Variants in RAB6B observed in about 807,000 individuals in gnomAD.
The protein encoded by RAB6B is RAB6B, member RAS oncogene family, also known as ras-related protein Rab-6B.
Under a neutral mutation model 31.2 loss-of-function variants are expected in RAB6B, and 7 were observed. The ratio of observed to expected loss-of-function variants is 0.22; its 90% CI spans 0.13 to 0.42. The LOEUF is 0.42. Among genes scored for constraint, RAB6B ranks in the 10% least tolerant of loss-of-function variants. The probability of loss-of-function intolerance (pLI) is 1.00; values close to 1 mark genes in which losing one functional copy is unlikely to be tolerated. For synonymous variants in RAB6B, 105 were observed against 104.9 expected (o/e 1.00, Z -0.01); for missense variants, 149 against 280.6 (o/e 0.53, Z 3.35).
intron 4 of RAB6B, among the ~76,000 whole-genome samples, chr3:133,840,828 C>T (rs190343977): frequency 7.9e-5 from 12 of 152,258 alleles, no homozygotes; most frequent in Non-Finnish European, 1.3e-4. Context: ...CTTCCAGACC[C>T]CCTTGCCTAC....
At chr3:133,853,967 T>C (rs1421309222) in intron 2 of RAB6B, among the ~76,000 whole-genome samples, 1 of 152,188 alleles carries the variant, frequency 6.6e-6, no homozygotes, top group Non-Finnish European at 1.5e-5. Context: ...CACAGCCCCA[T>C]GAGACCATCT....
intron 1 of RAB6B, among the ~76,000 whole-genome samples, chr3:133,877,753 T>TATATATATTATAATATATATAATA (rs1559911983): frequency 8.8e-5 from 13 of 148,502 alleles, no homozygotes; most frequent in African/African-American, 2.9e-4. Context: ...ATTATAACTG[T>TATATATATTATAATATATATAATA]TATATAATAT....
intron 1 of RAB6B, among the ~76,000 whole-genome samples, chr3:133,890,461 C>T (rs747594380): frequency 1.3e-5 from 2 of 152,022 alleles, no homozygotes; most frequent in Non-Finnish European, 2.9e-5. Context: ...AAAAATTAGC[C>T]GGGCGTATTG....
At chr3:133,884,939 G>A (rs1200298100) in intron 1 of RAB6B, among the ~76,000 whole-genome samples, 1 of 112,504 alleles carries the variant, frequency 8.9e-6, no homozygotes, top group African/African-American at 3.4e-5. Context: ...GAGGATGGGG[G>A]GCTCACACAC....
chr3:133,865,309 G>A (rs1171470660), intron 1 of RAB6B, among the ~76,000 whole-genome samples: 1 of 152,216 alleles, frequency 6.6e-6, no homozygotes, highest in African/African-American at 2.4e-5. Flanking sequence ...TGCCCTGTAG[G>A]GGCAGTGACA....
chr3:133,855,818 T>C lies in RAB6B; in HGVS notation c.129+8766A>G, dbSNP rs140572285. Among the ~76,000 whole-genome samples, 976 of 152,322 alleles carry C rather than the reference T, an allele frequency of 6.4e-3. 5 individuals carry two copies. Among genetic ancestry groups the C allele is most frequent in the Non-Finnish European group, 9.1e-3 (622 of 68,022 alleles). On this transcript the variant is annotated intron_variant, in intron 2 of 7. Coordinates refer to ENST00000285208, the MANE Select transcript of RAB6B (RefSeq NM_016577.4). ...ACTGGTGGGCCCACCCAGCACCCAT[T>C]GGCAACCTCCTACTCCCTTGCTTGA...
chr3:133,828,803 G>A lies in RAB6B; in HGVS notation c.612C>T (p.Gly204=), dbSNP rs749969544. The change falls in exon 8 of 8, where the codon GGC becomes GGT. Residue 204 remains glycine, a synonymous_variant. Coordinates refer to ENST00000285208, the MANE Select transcript of RAB6B (RefSeq NM_016577.4). ...CGGCTCTGCATTAGCAGGAGCAGCC[G>A]CCCTCGCTGGCCGGGGGCTCCTGGG... is the stretch of plus-strand genomic sequence containing the variant. ...DKPQEPPASE[G]GCSC 75 of 1,612,218 alleles carry A rather than the reference G, an allele frequency of 4.7e-5. 1 individual carries two copies. Among genetic ancestry groups the A allele is most frequent in the Admixed American group, 3.0e-4 (18 of 59,976 alleles).
At position 133,839,512 on chromosome 3, in the gene RAB6B, T is replaced by A. The variant is rs1172716308; in HGVS notation, c.395A>T (p.Asp132Val). 8 of 1,612,972 alleles carry A rather than the reference T, an allele frequency of 5.0e-6. No homozygotes were observed. Among genetic ancestry groups the A allele is most frequent in the Non-Finnish European group, 5.9e-6 (7 of 1,178,876 alleles). ...TGTGTGCCCTTGCACCTACCTCTTA[T>A]CAGCCAGGTCCGTCTTGTTGCCCAC... ...MLVGNKTDLA[D>V]KRQITIEEGE... The change falls in exon 5 of 8, where the codon GAT becomes GTT. Residue 132 changes from aspartate (D) to valine (V), a missense_variant. Coordinates refer to ENST00000285208, the MANE Select transcript of RAB6B (RefSeq NM_016577.4).
intron 7 of RAB6B, among the ~76,000 whole-genome samples, chr3:133,832,340 C>A (rs1196332176): frequency 2.0e-5 from 3 of 152,034 alleles, no homozygotes; most frequent in Non-Finnish European, 4.4e-5. Flanking sequence ...CAGAGCGGCC[C>A]TGAGGGGTCC....
At chr3:133,845,294 G>C (rs780933969) in intron 2 of RAB6B, among the ~76,000 whole-genome samples, 1 of 152,224 alleles carries the variant, frequency 6.6e-6, no homozygotes, top group Non-Finnish European at 1.5e-5. Flanking sequence ...ATTAAGTCAT[G>C]AGGACTCTGA....
intron 1 of RAB6B, among the ~76,000 whole-genome samples, chr3:133,865,035 T>C (rs900153235): frequency 3.3e-5 from 5 of 152,248 alleles, no homozygotes; most frequent in African/African-American, 1.2e-4. Context: ...CACCTTGTTG[T>C]TGGTCATACA....
intron 1 of RAB6B, among the ~76,000 whole-genome samples, chr3:133,873,012 T>C (rs1178116495): frequency 6.6e-6 from 1 of 152,166 alleles, no homozygotes; most frequent in Non-Finnish European, 1.5e-5. Flanking sequence ...GGCGGACCGA[T>C]GCCTGACCCT....
At chr3:133,847,265 G>A (rs1435630137) in intron 2 of RAB6B, among the ~76,000 whole-genome samples, 1 of 152,258 alleles carries the variant, frequency 6.6e-6, no homozygotes, top group Non-Finnish European at 1.5e-5. Context: ...TAAGCGACTT[G>A]TCAAATGTCC....
At chr3:133,891,228 G>C (rs145623627) in intron 1 of RAB6B, among the ~76,000 whole-genome samples, 1 of 152,254 alleles carries the variant, frequency 6.6e-6, no homozygotes, top group East Asian at 1.9e-4. Flanking sequence ...CAGAGGAATG[G>C]GCTGAAAGTA....
intron 1 of RAB6B, among the ~76,000 whole-genome samples, chr3:133,881,955 T>C (rs1197578454): frequency 6.6e-6 from 1 of 152,276 alleles, no homozygotes; most frequent in Admixed American, 6.5e-5. Flanking sequence ...TATTATGTCA[T>C]ATTTCCATGG....
rs1442539729 is a variant in RAB6B at position 133,825,475 on chromosome 3, G to C, written c.*3313C>G. ...TTAAGGATGACAAGAAGAGAGCAGC[G>C]ATAGATAGCAAGGAGGCCTCTGACC... On this transcript the variant is annotated 3_prime_UTR_variant, in exon 8 of 8. Transcript: ENST00000285208. 6.6e-6 allele frequency: 1 copy of C among 152,226 alleles called. No homozygotes were observed. Among genetic ancestry groups the C allele is most frequent in the Non-Finnish European group, 1.5e-5 (1 of 68,058 alleles). The allele number at this position is 152,226 out of a possible 1,614,324, so 9.4% of individuals were successfully genotyped here.
At chr3:133,878,995 A>C (rs1030353366) in intron 1 of RAB6B, among the ~76,000 whole-genome samples, 11 of 152,158 alleles carry the variant, frequency 7.2e-5, no homozygotes, top group Non-Finnish European at 1.6e-4. Flanking sequence ...TGTGCACTAA[A>C]GTCTGACCGA....
intron 1 of RAB6B, among the ~76,000 whole-genome samples, chr3:133,884,039 C>T (rs1221838618): frequency 6.9e-6 from 1 of 143,942 alleles, no homozygotes; most frequent in African/African-American, 2.7e-5. Context: ...GATGAGGGGG[C>T]AGCTCTCCTT....
chr3:133,864,188 G>C (rs1286543758), intron 2 of RAB6B, among the ~76,000 whole-genome samples: 1 of 150,680 alleles, frequency 6.6e-6, no homozygotes, highest in Non-Finnish European at 1.5e-5. Context: ...GTGAGAGAGA[G>C]AGAAGGTCCC....
Sources: gnomAD v4.1 joint callset for allele counts (sites outside exome capture counted in the v4.1 genomes callset) on GRCh38, gnomAD v4.1.1 for gene constraint, MANE v1.5 for transcripts, NCBI Gene and HGNC (gene_info 2026-07-23, HGNC 2026-07-21) for gene names.